Variants in LY6G5C observed in about 807,000 individuals in gnomAD.
LY6G5C encodes lymphocyte antigen 6 complex locus protein G5c.
A neutral mutation model predicts 10.5 loss-of-function variants in LY6G5C; 6 were observed. The ratio of observed to expected loss-of-function variants is 0.57; its 90% CI spans 0.31 to 1.12. The LOEUF is 1.12. LY6G5C is among the 50% of genes most tolerant of loss of function. LY6G5C has a pLI of 0.05. For missense variants in LY6G5C, 160 were observed against 185.5 expected (o/e 0.86, Z 0.80); for synonymous variants, 69 against 67.8 (o/e 1.02, Z -0.09).
At chr6:31,680,406 T>C, upstream of LY6G5C, 1 of 1,595,144 alleles carries the variant, frequency 6.3e-7, no homozygotes. This position sits in a 1 kb window ranked among gnomAD's most constrained non-coding sequence, Gnocchi z 4.5. Flanking sequence ...TGGGCTTATA[T>C]TGGTGGAAGA....
At position 31,679,711 on chromosome 6, in the gene LY6G5C, G is replaced by A; in HGVS notation, c.122-443C>T. On this transcript the variant is annotated intron_variant, in intron 1 of 2. Transcript: ENST00000383237. This position sits in a 1 kb window ranked among gnomAD's most constrained non-coding sequence, Gnocchi z 4.4. ...GGATTCCTTCAGTATCTCTATTCAG[G>A]TCACTGCTGTGAAGTGAGACAGCCC... 4.5e-6 allele frequency: 1 copy of A among 220,560 alleles called. No individual in the cohort carries two copies. The highest frequency in any genetic ancestry group is 9.2e-6 in the Non-Finnish European group (1 of 108,638). 13.7% of individuals were successfully genotyped at this position (220,560 alleles called of 1,614,324 possible). A position where few individuals can be genotyped will look rare whatever the true frequency, so the allele number is the denominator to read the frequency against.
chr6:31,678,977 A>AC (rs1802727698), intron 2 of LY6G5C, 124 bp downstream of exon 2: 4 of 1,137,818 alleles, frequency 3.5e-6, no homozygotes, highest in South Asian at 2.9e-5. Context: ...AGCAAAAAAA[A>AC]AAAGACAGGA....
upstream of LY6G5C, among the ~76,000 whole-genome samples, chr6:31,680,814 T>C (rs996067900): frequency 2.6e-5 from 4 of 152,126 alleles, no homozygotes; most frequent in African/African-American, 9.7e-5. The surrounding 1 kb of genome is among the most constrained non-coding windows in gnomAD (Gnocchi z 4.5). Flanking sequence ...AAGATTGCCA[T>C]GGCTGCACAT....
At chr6:31,680,705 G>A (rs150525699), upstream of LY6G5C, among the ~76,000 whole-genome samples, 1,000 of 152,364 alleles carry the variant, frequency 6.6e-3, 22 homozygotes, top group South Asian at 0.075. This position sits in a 1 kb window ranked among gnomAD's most constrained non-coding sequence, Gnocchi z 4.5. Flanking sequence ...CAGCAATGAT[G>A]TGGGGAGGGC....
chr6:31,680,872 C>T (rs1364726266), upstream of LY6G5C, among the ~76,000 whole-genome samples: 2 of 152,090 alleles, frequency 1.3e-5, no homozygotes, highest in African/African-American at 4.8e-5. The surrounding 1 kb of genome is among the most constrained non-coding windows in gnomAD (Gnocchi z 4.5). Flanking sequence ...GACGCTATTC[C>T]CGAGTCCGGT....
chr6:31,680,134 C>G lies in LY6G5C; in HGVS notation c.121+119G>C. On this transcript the variant is annotated intron_variant, in intron 1 of 2. Transcript: ENST00000383237. The surrounding 1 kb of genome is among the most constrained non-coding windows in gnomAD (Gnocchi z 4.5). ...CATTCCCTACCAAACCCATCTGTCC[C>G]ATCTCTCCTCCTGCATGGGTTTACC... 1 of 1,191,656 alleles carries G rather than the reference C, an allele frequency of 8.4e-7. No individual in the cohort carries two copies. The highest frequency in any genetic ancestry group is 1.2e-6 in the Non-Finnish European group (1 of 809,272). The allele number at this position is 1,191,656 out of a possible 1,614,324, so 73.8% of individuals were successfully genotyped here. A position where few individuals can be genotyped will look rare whatever the true frequency, so the allele number is the denominator to read the frequency against.
In LY6G5C at chr6:31,680,342, T is replaced by C. The variant is rs376702404; in HGVS notation, c.32A>G (p.Gln11Arg). ...GTGGAAGCACAGGGGACCCAGACTC[T>C]GGCTCCCTGCAGGGCCTGCCATAAA... The change falls in exon 1 of 3, where the codon CAG becomes CGG. Residue 11 changes from glutamine (Q) to arginine (R), a missense_variant. Gln to Arg is a conservative substitution (Grantham distance 43). Coordinates refer to ENST00000383237, the Ensembl canonical transcript of LY6G5C. The surrounding 1 kb of genome is among the most constrained non-coding windows in gnomAD (Gnocchi z 4.5). The C allele has an allele frequency of 5.0e-6, 8 of 1,595,162 alleles. No individual in the cohort carries two copies. Among genetic ancestry groups the C allele is most frequent in the Non-Finnish European group, 6.8e-6 (8 of 1,173,040 alleles).
In LY6G5C at chr6:31,679,211, A is replaced by T. The variant is rs1000637702; in HGVS notation, c.179T>A (p.Leu60Gln). The change falls in exon 2 of 3, where the codon CTG (leucine) becomes CAG (glutamine). Residue 60 changes from leucine (L) to glutamine (Q), a missense_variant. Leu to Gln is a moderately radical substitution (Grantham distance 113). Transcript: ENST00000383237. This position sits in a 1 kb window ranked among gnomAD's most constrained non-coding sequence, Gnocchi z 4.4. ...CTCCAAGAGGCATCGGTAGCAGCGC[A>T]GGTATTTGGGGAATGGAAGTGGTTG... 1 of 1,612,898 alleles carries T rather than the reference A, an allele frequency of 6.2e-7. No individual in the cohort carries two copies. The highest frequency in any genetic ancestry group is 1.3e-5 in the African/African-American group (1 of 74,898).
At position 31,680,199 on chromosome 6, in the gene LY6G5C, G is replaced by C; in HGVS notation, c.121+54C>G. On this transcript the variant is annotated intron_variant, in intron 1 of 2. Transcript: ENST00000383237. This position sits in a 1 kb window ranked among gnomAD's most constrained non-coding sequence, Gnocchi z 4.5. ...AGGTGTACCCAGACACTTGGTGTCTGTGGGTTTCTCCATCCAGGCCAGGAG... is the reference window on the plus strand; with the variant it reads ...AGGTGTACCCAGACACTTGGTGTCTCTGGGTTTCTCCATCCAGGCCAGGAG... 3 of 1,610,628 alleles carry C rather than the reference G, an allele frequency of 1.9e-6. No individual in the cohort carries two copies. Among genetic ancestry groups the C allele is most frequent in the Non-Finnish European group, 2.5e-6 (3 of 1,177,982 alleles).
exon 3 of LY6G5C, chr6:31,676,817 GC>G: frequency 1.3e-6 from 1 of 781,166 alleles, no homozygotes; most frequent in Non-Finnish European, 2.1e-6. Context: ...AAGAGGAAGA[GC>G]CAAGGCTGGG....
chr6:31,679,396 A>T lies in LY6G5C; in HGVS notation c.122-128T>A. On this transcript the variant is annotated intron_variant, in intron 1 of 2. Transcript: ENST00000383237. The surrounding 1 kb of genome is among the most constrained non-coding windows in gnomAD (Gnocchi z 4.4). ...TGTCTCAGAAAACCATCAAAGCCCC[A>T]ATTCTCTGCTTCCTTCCCCAACTGC... 1 of 1,007,744 alleles carries T rather than the reference A, an allele frequency of 9.9e-7. No individual in the cohort carries two copies. The highest frequency in any genetic ancestry group is 2.5e-5 in the East Asian group (1 of 40,482). 62.4% of individuals were successfully genotyped at this position (1,007,744 alleles called of 1,614,324 possible). A position where few individuals can be genotyped will look rare whatever the true frequency, so the allele number is the denominator to read the frequency against.
chr6:31,677,115 C>T (rs1432557641), exon 3 of LY6G5C: 13 of 1,612,490 alleles, frequency 8.1e-6, no homozygotes, highest in Non-Finnish European at 1.1e-5. Flanking sequence ...ACGTCAGAAC[C>T]GCTGCCTGGG....
At position 31,679,239 on chromosome 6, in the gene LY6G5C, G is replaced by A. The variant is rs1334640746; in HGVS notation, c.151C>T (p.Pro51Ser). Residue 51 changes from proline to serine, a missense_variant, in exon 2 of 3, where the codon CCT (proline) becomes TCT (serine). Coordinates refer to ENST00000383237, the Ensembl canonical transcript of LY6G5C. This position sits in a 1 kb window ranked among gnomAD's most constrained non-coding sequence, Gnocchi z 4.4. ...TATTTGGGGAATGGAAGTGGTTGAG[G>A]GGGTTCCCAATTGACAGGAACAAAC... 1.9e-6 allele frequency: 3 copies of A among 1,612,780 alleles called. No homozygotes were observed. The highest frequency in any genetic ancestry group is 2.2e-5 in the East Asian group (1 of 44,896).
chr6:31,677,668 G>A (rs971115932), intron 2 of LY6G5C, among the ~76,000 whole-genome samples: 5 of 152,082 alleles, frequency 3.3e-5, no homozygotes, highest in African/African-American at 1.2e-4. Flanking sequence ...AATAAAACAA[G>A]GAAGCTGTTT....
intron 2 of LY6G5C, 146 bp downstream of exon 2, chr6:31,678,954 TG>T: frequency 1.1e-6 from 1 of 888,780 alleles, no homozygotes; most frequent in Non-Finnish European, 1.8e-6. Flanking sequence ...CACTCCAGCC[TG>T]GGTGACAGAG....
chr6:31,677,066 T>C, exon 3 of LY6G5C: 1 of 1,612,906 alleles, frequency 6.2e-7, no homozygotes, highest in South Asian at 1.1e-5. Flanking sequence ...ATTTGAACAA[T>C]CACTCATCTG....
At chr6:31,680,962 G>A (rs1802856814), upstream of LY6G5C, among the ~76,000 whole-genome samples, 1 of 151,780 alleles carries the variant, frequency 6.6e-6, no homozygotes, top group Non-Finnish European at 1.5e-5. The surrounding 1 kb of genome is among the most constrained non-coding windows in gnomAD (Gnocchi z 4.5). Context: ...ACAGTTAGAA[G>A]ACTGGACAGA....
intron 2 of LY6G5C, among the ~76,000 whole-genome samples, chr6:31,678,192 G>A (rs1398184713): frequency 1.3e-5 from 2 of 152,184 alleles, no homozygotes; most frequent in African/African-American, 2.4e-5. Context: ...TATGTGTTAC[G>A]TTTTTGCTAA....
intron 2 of LY6G5C, among the ~76,000 whole-genome samples, chr6:31,678,117 A>T (rs1263343355): frequency 2.6e-5 from 4 of 152,180 alleles, no homozygotes; most frequent in African/African-American, 7.2e-5. Flanking sequence ...CATCTGTAAA[A>T]TGCACATAGT....
Sources: allele counts gnomAD v4.1 joint callset (sites outside exome capture counted in the v4.1 genomes callset), GRCh38; gene constraint gnomAD v4.1.1; non-coding constraint Gnocchi (gnomAD v3.1); transcripts MANE v1.5; gene names NCBI Gene and HGNC (gene_info 2026-07-23, HGNC 2026-07-21).